Variants in DCC observed in about 807,000 individuals in gnomAD.
The protein encoded by DCC is netrin receptor DCC.
Under a neutral mutation model 172.5 loss-of-function variants are expected in DCC, and 58 were observed. The observed-to-expected ratio is 0.34, with a 90% CI of 0.27 to 0.42. The LOEUF (loss-of-function observed/expected upper bound fraction) is 0.42, where lower values mean the gene tolerates loss of function less well. Ranked by LOEUF, DCC falls within the 10% of genes least tolerant of loss-of-function variation. The pLI is 1.00. For synonymous variants in DCC, 709 were observed against 644.5 expected (o/e 1.10, Z -1.52); for missense variants, 1,740 against 1,791.0 (o/e 0.97, Z 0.51).
intron 13 of DCC, among the ~76,000 whole-genome samples, chr18:53,316,270 G>A (rs138770046): frequency 5.9e-5 from 9 of 152,204 alleles, no homozygotes; most frequent in African/African-American, 1.9e-4. Context: ...TTGTAGATGT[G>A]TGGTGTTATT....
intron 1 of DCC, among the ~76,000 whole-genome samples, chr18:52,655,216 C>T (rs915876617): frequency 6.6e-6 from 1 of 151,958 alleles, no homozygotes; most frequent in Non-Finnish European, 1.5e-5. Context: ...TGATGAACAA[C>T]GCAGTTCTGC....
At chr18:52,657,185 C>A (rs537537653) in intron 1 of DCC, among the ~76,000 whole-genome samples, 1 of 152,320 alleles carries the variant, frequency 6.6e-6, no homozygotes, top group African/African-American at 2.4e-5. Context: ...CACTGAGCCA[C>A]ACTATCTCTG....
At chr18:52,848,687 TTACTA>T (rs1399966928) in intron 2 of DCC, among the ~76,000 whole-genome samples, 1 of 152,200 alleles carries the variant, frequency 6.6e-6, no homozygotes, top group Non-Finnish European at 1.5e-5. Context: ...GGCTCTGACT[TTACTA>T]ATATTTTTTC....
At chr18:53,027,868 AG>A (rs1480817008) in intron 5 of DCC, among the ~76,000 whole-genome samples, 4 of 151,604 alleles carry the variant, frequency 2.6e-5, no homozygotes, top group Non-Finnish European at 5.9e-5. Flanking sequence ...GGCCAAGGGG[AG>A]ACAGTGGCAT....
intron 1 of DCC, among the ~76,000 whole-genome samples, chr18:52,420,244 G>A (rs1438175793): frequency 6.6e-6 from 1 of 152,146 alleles, no homozygotes; most frequent in Non-Finnish European, 1.5e-5. Flanking sequence ...GCTCAGAGCT[G>A]GCACACAATT....
intron 24 of DCC, among the ~76,000 whole-genome samples, chr18:53,460,275 T>G (rs1374515500): frequency 1.9e-4 from 5 of 25,760 alleles, no homozygotes; most frequent in Admixed American, 2.8e-4. Flanking sequence ...GGAGCTCCTG[T>G]TTTTTTTTTT....
At chr18:53,181,811 T>C (rs1016128480) in intron 9 of DCC, among the ~76,000 whole-genome samples, 5 of 151,864 alleles carry the variant, frequency 3.3e-5, no homozygotes, top group African/African-American at 1.2e-4. Context: ...ACAACTCGAG[T>C]AGGGGAACTT....
intron 1 of DCC, among the ~76,000 whole-genome samples, chr18:52,604,338 C>T (rs2034086030): frequency 6.6e-6 from 1 of 152,108 alleles, no homozygotes; most frequent in Admixed American, 6.6e-5. Flanking sequence ...CTGATAGCTT[C>T]TATGTATATC....
chr18:52,723,117 C>G (rs1380631718), intron 1 of DCC, among the ~76,000 whole-genome samples: 1 of 152,138 alleles, frequency 6.6e-6, no homozygotes, highest in African/African-American at 2.4e-5. Flanking sequence ...CGCTACCCCT[C>G]CCTCCCTTTC....
In DCC at chr18:53,183,799, A is replaced by G. The variant is rs559051814; in HGVS notation, c.1573+4683A>G. Among the ~76,000 whole-genome samples the G allele has an allele frequency of 6.6e-5, 10 of 152,100 alleles. No individual in the cohort carries two copies. In the South Asian group the frequency reaches 2.1e-3, roughly 32 times the overall value. ...AAAATTCTAATATGGCTCTACTTGT[A>G]TGGTTGTTAGGAAAAGAACAGAGAA... On this transcript the variant is annotated intron_variant, in intron 9 of 28. Transcript: ENST00000442544.
intron 5 of DCC, among the ~76,000 whole-genome samples, chr18:53,004,984 C>A (rs1254483591): frequency 6.6e-6 from 1 of 152,084 alleles, no homozygotes; most frequent in African/African-American, 2.4e-5. Context: ...ATAAATGTTG[C>A]CCTCTTGAGA....
chr18:53,102,167 T>C (rs1412508100), intron 7 of DCC, among the ~76,000 whole-genome samples: 1 of 152,110 alleles, frequency 6.6e-6, no homozygotes, highest in Non-Finnish European at 1.5e-5. Context: ...AAGACAGATT[T>C]TAATGCCCAT....
At chr18:53,421,541 G>A (rs1339972034) in intron 21 of DCC, among the ~76,000 whole-genome samples, 1 of 152,158 alleles carries the variant, frequency 6.6e-6, no homozygotes, top group Non-Finnish European at 1.5e-5. Flanking sequence ...GCCCAACAAG[G>A]AGGAAGAATT....
chr18:53,160,072 T>G (rs1394468347), intron 8 of DCC, among the ~76,000 whole-genome samples: 1 of 152,192 alleles, frequency 6.6e-6, no homozygotes, highest in Non-Finnish European at 1.5e-5. Context: ...AATTGCTATG[T>G]TTGGGTGAAC....
chr18:52,842,023 CAT>C (rs1233453957), intron 2 of DCC, among the ~76,000 whole-genome samples: 3 of 142,030 alleles, frequency 2.1e-5, no homozygotes, highest in African/African-American at 7.8e-5. Flanking sequence ...TATATATATA[CAT>C]ATATATCAAT....
intron 8 of DCC, among the ~76,000 whole-genome samples, chr18:53,171,243 C>T (rs934687915): frequency 6.6e-6 from 1 of 152,006 alleles, no homozygotes; most frequent in Non-Finnish European, 1.5e-5. Flanking sequence ...TGGAAAGTGG[C>T]ACATAAAATT....
intron 7 of DCC, among the ~76,000 whole-genome samples, chr18:53,092,574 C>T (rs9951892): frequency 0.08 from 12,131 of 152,126 alleles, 784 homozygotes; most frequent in East Asian, 0.36. Flanking sequence ...TTGACACAGT[C>T]AAGAAGGAAA....
intron 5 of DCC, among the ~76,000 whole-genome samples, chr18:52,998,318 A>G (rs2041514822): frequency 6.6e-6 from 1 of 152,046 alleles, no homozygotes; most frequent in African/African-American, 2.4e-5. Context: ...TGTTCCTAGC[A>G]TATGGAAGAC....
chr18:52,443,652 T>G (rs1259993682), intron 1 of DCC, among the ~76,000 whole-genome samples: 2 of 152,060 alleles, frequency 1.3e-5, no homozygotes, highest in Non-Finnish European at 2.9e-5. Context: ...TAATGAGGCA[T>G]GGCTAGAGGG....
Sources: gnomAD v4.1 joint callset for allele counts (sites outside exome capture counted in the v4.1 genomes callset) on GRCh38, gnomAD v4.1.1 for gene constraint, MANE v1.5 for transcripts, NCBI Gene and HGNC (gene_info 2026-07-23, HGNC 2026-07-21) for gene names.